SLC9A3: variants seen among roughly 807,000 people sequenced by gnomAD.
The protein encoded by SLC9A3 is solute carrier family 9 member A3.
A neutral mutation model predicts 86.8 loss-of-function variants in SLC9A3; 37 were observed. The ratio of observed to expected loss-of-function variants is 0.43; its 90% CI spans 0.33 to 0.56. SLC9A3 has a LOEUF of 0.56. SLC9A3 is among the 20% of genes least tolerant of loss of function. SLC9A3 has a pLI of 0.06. For missense variants in SLC9A3, 1,011 were observed against 1,171.9 expected, an observed-to-expected ratio of 0.86 and a Z score of 2.00; for synonymous variants, 581 against 528.3, an observed-to-expected ratio of 1.10 and a Z score of -1.37.
chr5:511,669 G>T (rs899851385), intron 1 of SLC9A3, among the ~76,000 whole-genome samples: 1 of 152,282 alleles, frequency 6.6e-6, no homozygotes, highest in Non-Finnish European at 1.5e-5. Context: ...GGCCACAGGA[G>T]TGTGCACCCA....
chr5:476,299 A>G lies in SLC9A3; in HGVS notation c.1970T>C (p.Met657Thr), dbSNP rs1231469671. The G allele has an allele frequency of 1.9e-6, 3 of 1,613,814 alleles. No homozygotes were observed. The highest frequency in any genetic ancestry group is 1.3e-5 in the African/African-American group (1 of 74,912). The change falls in exon 13 of 17, where the codon ATG becomes ACG. Residue 657 changes from methionine (M) to threonine (T), a missense_variant. Around this residue, in one of 3 missense-constraint regions of SLC9A3, gnomAD observed 397 missense variants for 346.3 expected, o/e 1.15. Coordinates refer to ENST00000264938, the MANE Select transcript of SLC9A3 (RefSeq NM_004174.4). ...KQDREIFHRT[M>T]RKRLESFKST... ...CTTGAAGGACTCCAGGCGCTTCCGC[A>G]TGGTCCTGTGGAAGATTTCCCGGTC...
intron 15 of SLC9A3, 38 bp from the exon 16 acceptor site, chr5:475,170 G>C: frequency 6.5e-7 from 1 of 1,530,434 alleles, no homozygotes; most frequent in South Asian, 1.3e-5. Flanking sequence ...CCTTCGGAGA[G>C]CCCCACGGCG....
chr5:486,991 C>T (rs1281901158), intron 3 of SLC9A3, among the ~76,000 whole-genome samples: 26 of 43,860 alleles, frequency 5.9e-4, no homozygotes, highest in African/African-American at 1.5e-3. Context: ...TGACACCCAC[C>T]GCACTGACAC....
chr5:523,578 G>A (rs1733946759), intron 1 of SLC9A3, among the ~76,000 whole-genome samples: 1 of 143,614 alleles, frequency 7.0e-6, no homozygotes, highest in South Asian at 2.2e-4. Context: ...TTAAGAAGAA[G>A]AGAAATCTGA....
Position 484,578 on chromosome 5 carries a change from T to C in SLC9A3, c.874A>G (p.Ile292Val). ...GTCAGGTAGGACAGGTAGGAGATGATGAACACGAAGCCGGGCTCGATGATA... is the reference window on the plus strand; with the variant it reads ...GTCAGGTAGGACAGGTAGGAGATGACGAACACGAAGCCGGGCTCGATGATA... ...VRIIEPGFVF[I>V]ISYLSYLTSE... Residue 292 changes from isoleucine to valine, a missense_variant, in exon 5 of 17, where the codon ATC becomes GTC. Transcript: ENST00000264938. 2.5e-6 allele frequency: 4 copies of C among 1,613,168 alleles called. No individual in the cohort carries two copies. Among genetic ancestry groups the C allele is most frequent in the Non-Finnish European group, 2.5e-6 (3 of 1,179,976 alleles).
chr5:476,796 G>T, intron 11 of SLC9A3, 124 bp from the exon 12 acceptor site: 2 of 1,155,824 alleles, frequency 1.7e-6, no homozygotes, highest in Non-Finnish European at 2.5e-6. Flanking sequence ...GCCTTCCCAT[G>T]GTGGGCACCC....
rs568412442 is a variant in SLC9A3 at position 473,053 on chromosome 5, G to A, written c.*326C>T. ...GCCAGCTTCAGCAGCGCGGGGCGGC[G>A]GCGCGCGCGAGGCCGCTGGAACGAG... On this transcript the variant is annotated 3_prime_UTR_variant, in exon 17 of 17. Transcript: ENST00000264938. 10 of 330,302 alleles carry A rather than the reference G, an allele frequency of 3.0e-5. No individual in the cohort carries two copies. The East Asian group carries it at 3.7e-4, about 12-fold the overall frequency. 20.5% of individuals were successfully genotyped at this position (330,302 alleles called of 1,614,324 possible). A position where few individuals can be genotyped will look rare whatever the true frequency, so the allele number is the denominator to read the frequency against.
intron 3 of SLC9A3, among the ~76,000 whole-genome samples, chr5:486,762 G>A (rs549813214): frequency 2.0e-5 from 3 of 152,298 alleles, no homozygotes; most frequent in South Asian, 2.1e-4. Context: ...GAGGCGACTC[G>A]GGCACATTCA....
Position 485,715 on chromosome 5 carries a change from C to T in SLC9A3, c.676-484G>A, listed in dbSNP as rs2126622582. ...AGCAAAGTGGTGACGCAGGTGAGACCGGCCGAGGGCCGTCCTGGGTGGGCC... is the reference window on the plus strand; with the variant it reads ...AGCAAAGTGGTGACGCAGGTGAGACTGGCCGAGGGCCGTCCTGGGTGGGCC... On this transcript the variant is annotated intron_variant, in intron 3 of 16. Transcript: ENST00000264938. Among the ~76,000 whole-genome samples, 2 of 152,374 alleles carry T rather than the reference C, an allele frequency of 1.3e-5. 1 individual carries two copies. Among genetic ancestry groups the T allele is most frequent in the South Asian group, 4.1e-4 (2 of 4,830 alleles).
chr5:476,464 C>T (rs947804688), intron 12 of SLC9A3, 79 bp downstream of exon 12: 51 of 1,603,728 alleles, frequency 3.2e-5, no homozygotes, highest in Non-Finnish European at 3.7e-5. Context: ...ACGGATCCCC[C>T]GTGGTCCCAG....
At chr5:517,072 TGTGG>T (rs1265873647) in intron 1 of SLC9A3, among the ~76,000 whole-genome samples, 1 of 152,050 alleles carries the variant, frequency 6.6e-6, no homozygotes, top group Non-Finnish European at 1.5e-5. Context: ...TTCACCCACC[TGTGG>T]GTGCATCCAT....
intron 1 of SLC9A3, among the ~76,000 whole-genome samples, chr5:515,305 C>T (rs1026438453): frequency 3.9e-5 from 6 of 152,134 alleles, no homozygotes; most frequent in Non-Finnish European, 5.9e-5. Flanking sequence ...CTGCTCTGCC[C>T]GCCCCTCCCT....
chr5:482,701 C>T lies in SLC9A3; in HGVS notation c.1203G>A (p.Leu401=). The stretch of plus-strand genomic sequence containing the variant: ...ACAGGACCACCTGGTCAATGGGCTC[C>T]AGCTGCACCATGCGGTAGCGGTTCA... ...WLLNRYRMVQ[L]EPIDQVVLSY... The change falls in exon 7 of 17, where the codon CTG becomes CTA. Residue 401 remains leucine, a synonymous_variant. Coordinates refer to ENST00000264938, the MANE Select transcript of SLC9A3 (RefSeq NM_004174.4). 1 of 1,612,220 alleles carries T rather than the reference C, an allele frequency of 6.2e-7. No homozygotes were observed. Among genetic ancestry groups the T allele is most frequent in the Non-Finnish European group, 8.5e-7 (1 of 1,179,738 alleles).
chr5:504,546 C>T (rs558152438), intron 1 of SLC9A3, among the ~76,000 whole-genome samples: 10 of 152,276 alleles, frequency 6.6e-5, no homozygotes, highest in East Asian at 5.8e-4. Context: ...ACACAGCAAG[C>T]GGCCAGATCT....
intron 1 of SLC9A3, among the ~76,000 whole-genome samples, chr5:507,059 A>G (rs1740614267): frequency 6.9e-6 from 1 of 145,108 alleles, no homozygotes; most frequent in South Asian, 2.3e-4. Flanking sequence ...CCTGGGAGAC[A>G]GAGTGATACT....
At chr5:504,756 C>G (rs182751361) in intron 1 of SLC9A3, among the ~76,000 whole-genome samples, 1 of 152,178 alleles carries the variant, frequency 6.6e-6, no homozygotes, top group African/African-American at 2.4e-5. Context: ...AAGGGGTGTT[C>G]GTGCCCAGCT....
intron 9 of SLC9A3, 77 bp from the exon 10 acceptor site, chr5:480,042 T>G: frequency 6.5e-7 from 1 of 1,529,934 alleles, no homozygotes; most frequent in African/African-American, 1.4e-5. Flanking sequence ...CCCGGCCCCT[T>G]CTCTCCTGAA....
chr5:491,901 C>G lies in SLC9A3; in HGVS notation c.382G>C (p.Gly128Arg). 1 of 1,611,342 alleles carries G rather than the reference C, an allele frequency of 6.2e-7. No individual in the cohort carries two copies. The highest frequency in any genetic ancestry group is 8.5e-7 in the Non-Finnish European group (1 of 1,179,378). The change falls in exon 2 of 17, where the codon GGC becomes CGC. Residue 128 changes from glycine to arginine, a missense_variant. Coordinates refer to ENST00000264938, the MANE Select transcript of SLC9A3 (RefSeq NM_004174.4). The surrounding 1 kb of genome is among the most constrained non-coding windows in gnomAD (Gnocchi z 9.2). ...AAGAGGCGGTTGGGCATGAAGTAGCCGGCGTCCAGCACGATGGGGGGCAGC... is the reference window on the plus strand; with the variant it reads ...AAGAGGCGGTTGGGCATGAAGTAGCGGGCGTCCAGCACGATGGGGGGCAGC... ...YLLPPIVLDAGYFMPNRLFFG... is the reference protein window; with the variant it reads ...YLLPPIVLDARYFMPNRLFFG...
At chr5:520,239 G>A (rs769212473) in intron 1 of SLC9A3, among the ~76,000 whole-genome samples, 3 of 152,322 alleles carry the variant, frequency 2.0e-5, no homozygotes, top group Middle Eastern at 3.4e-3. Flanking sequence ...ACGGCCAGAC[G>A]CCTGGGGACA....
Sources: gnomAD v4.1 joint callset for allele counts (sites outside exome capture counted in the v4.1 genomes callset) on GRCh38, gnomAD v4.1.1 for gene constraint, gnomAD v4.1.1 regional missense constraint, Gnocchi (gnomAD v3.1) non-coding constraint, MANE v1.5 for transcripts, NCBI Gene and HGNC (gene_info 2026-07-23, HGNC 2026-07-21) for gene names.